The following MGST2 variants were observed in gnomAD, a reference collection of about 807,000 sequenced individuals.
MGST2 encodes the protein glutathione peroxidase MGST2.
A neutral mutation model predicts 16.6 loss-of-function variants in MGST2; 9 were observed. That is an observed-to-expected ratio of 0.54 (90% confidence interval 0.33 to 0.95). The LOEUF is 0.95. MGST2 is among the 40% of genes least tolerant of loss of function. The probability of loss-of-function intolerance (pLI) is 0.03; values close to 1 mark genes in which losing one functional copy is unlikely to be tolerated. For synonymous variants in MGST2, 79 were observed against 68.0 expected (o/e 1.16, Z -0.79); for missense variants, 159 against 175.1 (o/e 0.91, Z 0.52).
At chr4:139,723,026 C>A (rs1728299367) in intron 5 of MGST2, among the ~76,000 whole-genome samples, 1 of 152,202 alleles carries the variant, frequency 6.6e-6, no homozygotes, top group African/African-American at 2.4e-5. Flanking sequence ...TCAGCCATTT[C>A]TTTCTAATTT....
At chr4:139,738,662 T>C (rs1242157191) in intron 5 of MGST2, among the ~76,000 whole-genome samples, 1 of 151,644 alleles carries the variant, frequency 6.6e-6, no homozygotes, top group Non-Finnish European at 1.5e-5. Context: ...GCCCAATTGC[T>C]GGGGAACATT....
intron 5 of MGST2, among the ~76,000 whole-genome samples, chr4:139,733,357 G>C (rs1728798915): frequency 6.6e-6 from 1 of 152,044 alleles, no homozygotes; most frequent in South Asian, 2.1e-4. Context: ...GTTTATCTTT[G>C]TGCACTTTGA....
At chr4:139,731,443 A>AT (rs1728712423) in intron 5 of MGST2, 2 of 152,024 alleles carry the variant, frequency 1.3e-5, no homozygotes, top group African/African-American at 6.5e-5. Flanking sequence ...ACTAAAAAAA[A>AT]AAAAAAAAAA....
intron 2 of MGST2, 194 bp downstream of exon 2, chr4:139,678,836 A>T (rs1031819074): frequency 3.2e-6 from 2 of 625,190 alleles, no homozygotes; most frequent in Non-Finnish European, 5.7e-6. Flanking sequence ...GTCTCTGCCC[A>T]CATCTATTAC....
At chr4:139,683,762 C>A (rs1334232085) in intron 2 of MGST2, among the ~76,000 whole-genome samples, 1 of 151,946 alleles carries the variant, frequency 6.6e-6, no homozygotes, top group East Asian at 1.9e-4. Context: ...GAGCAATTTA[C>A]AAAACAAAGA....
At chr4:139,753,112 C>T in the MGST2 span, among the ~76,000 whole-genome samples, 2 of 152,206 alleles carry the variant, frequency 1.3e-5, no homozygotes, top group Non-Finnish European at 2.9e-5. Flanking sequence ...GAGAGGGTTA[C>T]ACACCACTCA....
intron 5 of MGST2, among the ~76,000 whole-genome samples, chr4:139,737,862 T>G (rs1176816263): frequency 6.6e-6 from 1 of 152,206 alleles, no homozygotes; most frequent in Non-Finnish European, 1.5e-5. Context: ...CTCAGCAGAT[T>G]ATTGAAGAAG....
intron 5 of MGST2, among the ~76,000 whole-genome samples, chr4:139,736,167 A>AT (rs1491350873): frequency 2.0e-5 from 3 of 152,070 alleles, no homozygotes; most frequent in South Asian, 4.1e-4. Flanking sequence ...GTAAAAAAAA[A>AT]TTTTTTTTAA....
chr4:139,666,900 T>C (rs149938218), intron 1 of MGST2, among the ~76,000 whole-genome samples: 5 of 152,354 alleles, frequency 3.3e-5, no homozygotes, highest in African/African-American at 1.2e-4. Flanking sequence ...AGTCCAGGCC[T>C]CCGTGCATGC....
At chr4:139,732,149 A>T (rs1364316247) in intron 5 of MGST2, among the ~76,000 whole-genome samples, 1 of 152,226 alleles carries the variant, frequency 6.6e-6, no homozygotes, top group Admixed American at 6.5e-5. Flanking sequence ...AAATTTTTAA[A>T]TCCAAATTGG....
intron 3 of MGST2, among the ~76,000 whole-genome samples, chr4:139,702,754 TCCCAAAG>T (rs1727317011): frequency 6.6e-6 from 1 of 151,784 alleles, no homozygotes; most frequent in Non-Finnish European, 1.5e-5. Flanking sequence ...CCAGAACTTT[TCCCAAAG>T]TGGCTGTACT....
chr4:139,674,373 A>G (rs1366180320), intron 1 of MGST2, among the ~76,000 whole-genome samples: 4 of 151,956 alleles, frequency 2.6e-5, no homozygotes, highest in Non-Finnish European at 4.4e-5. Context: ...TCAGATATGT[A>G]TTTGTCTCAA....
intron 5 of MGST2, among the ~76,000 whole-genome samples, chr4:139,712,018 A>G (rs944967022): frequency 5.9e-5 from 9 of 152,232 alleles, no homozygotes; most frequent in African/African-American, 2.2e-4. Context: ...TATCTGGAAG[A>G]TTAATAAGTG....
Position 139,667,938 on chromosome 4 carries a change from C to T in MGST2, c.58+1861C>T, listed in dbSNP as rs554484789. ...TGTATTCTGAGCCAAACATGAGGGA[C>T]GAGTGGCCGGTGACACAGCCCAAGG... On this transcript the variant is annotated intron_variant, in intron 1 of 4. Transcript: ENST00000265498. Among the ~76,000 whole-genome samples, 9 of 152,242 alleles carry T rather than the reference C, an allele frequency of 5.9e-5. No individual in the cohort carries two copies. The South Asian group carries it at 6.2e-4, about 11-fold the overall frequency.
intron 5 of MGST2, among the ~76,000 whole-genome samples, chr4:139,710,515 T>C (rs527581026): frequency 6.6e-6 from 1 of 152,306 alleles, no homozygotes; most frequent in South Asian, 2.1e-4. Flanking sequence ...TTCACGTTTT[T>C]ACTTCTAGTG....
At chr4:139,710,912 T>G (rs750887209) in intron 5 of MGST2, among the ~76,000 whole-genome samples, 1 of 152,086 alleles carries the variant, frequency 6.6e-6, no homozygotes, top group Non-Finnish European at 1.5e-5. Context: ...ATCTATGTGA[T>G]TTATTAACAA....
At chr4:139,704,287 A>G (rs932027646), downstream of MGST2, 1 of 1,120,250 alleles carries the variant, frequency 8.9e-7, no homozygotes, top group African/African-American at 1.6e-5. Flanking sequence ...TAGAGAATAC[A>G]TTTCCTGTTT....
At chr4:139,698,512 T>C (rs571003615) in intron 3 of MGST2, 100 of 1,157,276 alleles carry the variant, frequency 8.6e-5, no homozygotes, top group Non-Finnish European at 3.4e-5. Context: ...CTGGGTGCTT[T>C]ACCACCGGTC....
rs149970598 is a variant in MGST2, at chr4:139,729,231, G to A, written c.*49-10981G>A. 2.4e-3 allele frequency among the ~76,000 whole-genome samples: 356 copies of A among 150,436 alleles called. 2 individuals are homozygous for A. The highest frequency in any genetic ancestry group is 8.3e-3 in the African/African-American group (338 of 40,966). ...AGTACAATTTTTCTCTTTGGGGGAT[G>A]CCTGGTGTTACTTTGAACTGCTATT... On this transcript the variant is annotated intron_variant, in intron 5 of 5. Coordinates refer to the MGST2 transcript ENST00000616265.
Sources: allele counts gnomAD v4.1 joint callset (sites outside exome capture counted in the v4.1 genomes callset), GRCh38; gene constraint gnomAD v4.1.1; transcripts MANE v1.5; gene names NCBI Gene and HGNC (gene_info 2026-07-23, HGNC 2026-07-21).